Variants in APBB2 observed in about 807,000 individuals in gnomAD.
APBB2 encodes Fe65-like 1.
A neutral mutation model predicts 82.5 loss-of-function variants in APBB2; 38 were observed. That is an observed-to-expected ratio of 0.46 (90% confidence interval 0.36 to 0.60). The LOEUF is 0.60. APBB2 is among the 20% of genes least tolerant of loss of function. The pLI, the probability that APBB2 is intolerant of heterozygous loss-of-function variation, is 0.00. For missense variants in APBB2, 772 were observed against 972.3 expected (o/e 0.79, Z 2.74); for synonymous variants, 341 against 368.2 (o/e 0.93, Z 0.85).
intron 6 of APBB2, among the ~76,000 whole-genome samples, chr4:41,000,639 G>A (rs1031329622): frequency 2.6e-5 from 4 of 152,150 alleles, no homozygotes; most frequent in East Asian, 1.9e-4. Context: ...TTTTGAAATC[G>A]TCCAGAGCAC....
intron 17 of APBB2, among the ~76,000 whole-genome samples, chr4:40,819,189 C>CTTTTT (rs1228766862): frequency 1.5e-5 from 1 of 65,492 alleles, no homozygotes. Flanking sequence ...TTTTTTTTTT[C>CTTTTT]TTTTTTTTTT....
At chr4:41,130,088 G>A (rs1463185111) in intron 2 of APBB2, among the ~76,000 whole-genome samples, 3 of 152,174 alleles carry the variant, frequency 2.0e-5, no homozygotes, top group Non-Finnish European at 2.9e-5. Context: ...AGAAGAACCA[G>A]CCAATGCAAT....
chr4:41,002,511 C>T (rs573903369), intron 6 of APBB2, among the ~76,000 whole-genome samples: 6 of 152,344 alleles, frequency 3.9e-5, no homozygotes, highest in Admixed American at 6.5e-5. Flanking sequence ...TCTACCGTAA[C>T]AGTTCCATGT....
intron 5 of APBB2, among the ~76,000 whole-genome samples, chr4:41,021,683 A>C (rs1299057623): frequency 6.6e-6 from 1 of 152,180 alleles, no homozygotes; most frequent in Admixed American, 6.5e-5. Flanking sequence ...GGGCCAAATA[A>C]GGGAATAAAA....
At chr4:41,040,415 T>C (rs1720908346) in intron 4 of APBB2, among the ~76,000 whole-genome samples, 1 of 152,236 alleles carries the variant, frequency 6.6e-6, no homozygotes, top group African/African-American at 2.4e-5. Flanking sequence ...ATTTATTGAA[T>C]GCTTATTATG....
intron 3 of APBB2, among the ~76,000 whole-genome samples, chr4:41,091,525 G>A (rs1429501753): frequency 6.6e-6 from 1 of 152,126 alleles, no homozygotes; most frequent in Non-Finnish European, 1.5e-5. Flanking sequence ...CCTTTTAGGG[G>A]AGCAACATAT....
intron 10 of APBB2, among the ~76,000 whole-genome samples, chr4:40,919,976 C>T (rs962849911): frequency 6.6e-6 from 1 of 152,186 alleles, no homozygotes; most frequent in African/African-American, 2.4e-5. Flanking sequence ...TACCACGGCC[C>T]TGCACTGGGG....
chr4:40,935,315 T>A, intron 7 of APBB2, 176 bp from the exon 8 acceptor site: 1 of 567,250 alleles, frequency 1.8e-6, no homozygotes, highest in South Asian at 2.4e-5. Flanking sequence ...GTCTAGATTA[T>A]CACCTGAAGA....
intron 6 of APBB2, among the ~76,000 whole-genome samples, chr4:40,984,329 G>A (rs952305983): frequency 6.6e-6 from 1 of 151,128 alleles, no homozygotes; most frequent in Non-Finnish European, 1.5e-5. Flanking sequence ...GTTACCTTTT[G>A]AGTGAGTTCA....
At chr4:40,974,258 GACTTATAGGT>G (rs1796634604) in intron 6 of APBB2, among the ~76,000 whole-genome samples, 1 of 152,174 alleles carries the variant, frequency 6.6e-6, no homozygotes, top group Non-Finnish European at 1.5e-5. Flanking sequence ...CATAATGTCA[GACTTATAGGT>G]ACCAGAGGTT....
At chr4:40,997,909 G>A (rs1804092157) in intron 6 of APBB2, among the ~76,000 whole-genome samples, 1 of 152,078 alleles carries the variant, frequency 6.6e-6, no homozygotes, top group Admixed American at 6.5e-5. Context: ...ACTGAAGTAG[G>A]GCTGTCATTT....
intron 1 of APBB2, among the ~76,000 whole-genome samples, chr4:41,153,929 TTATACCTAGTTTA>T (rs1248103536): frequency 6.6e-6 from 1 of 152,204 alleles, no homozygotes; most frequent in Non-Finnish European, 1.5e-5. Flanking sequence ...CGTAAGGAGT[TTATACCTAGTTTA>T]TATTGAAGCT....
intron 10 of APBB2, among the ~76,000 whole-genome samples, chr4:40,923,866 G>C (rs1013872862): frequency 6.6e-6 from 1 of 152,232 alleles, no homozygotes; most frequent in Admixed American, 6.5e-5. Context: ...AAGTTAATAA[G>C]GGAAATAACA....
intron 3 of APBB2, among the ~76,000 whole-genome samples, chr4:41,088,467 G>T (rs919202782): frequency 6.6e-6 from 1 of 152,236 alleles, no homozygotes; most frequent in African/African-American, 2.4e-5. Context: ...GTGGAAAGGG[G>T]TTAGGATCTG....
Position 41,014,097 on chromosome 4 carries a change from G to C in APBB2, c.321C>G (p.Leu107=). Residue 107 remains leucine, a synonymous_variant, in exon 6 of 18, where the codon CTC becomes CTG. Transcript: ENST00000508593. ...GCTGCCCTTGCTCTGCAGCCTTACG[G>C]AGCTGGTTCTCCCCATTTTTCACCA... ...IKLVKNGENQ[L]RKAAEQGQQD... 6.2e-7 allele frequency: 1 copy of C among 1,614,200 alleles called. No individual in the cohort carries two copies. The highest frequency in any genetic ancestry group is 8.5e-7 in the Non-Finnish European group (1 of 1,180,040).
At chr4:41,054,842 C>T (rs780047312) in intron 4 of APBB2, among the ~76,000 whole-genome samples, 6 of 151,948 alleles carry the variant, frequency 3.9e-5, no homozygotes, top group African/African-American at 4.8e-5. Flanking sequence ...AGCTACCATA[C>T]GGGGGAGAAG....
intron 5 of APBB2, among the ~76,000 whole-genome samples, chr4:41,025,583 G>A (rs949684302): frequency 6.6e-6 from 1 of 152,044 alleles, no homozygotes; most frequent in Admixed American, 6.5e-5. Flanking sequence ...CAACAGCAAA[G>A]ACATGGAATC....
chr4:40,990,325 T>A (rs1324284495), intron 6 of APBB2: 2 of 152,098 alleles, frequency 1.3e-5, no homozygotes, highest in African/African-American at 4.8e-5. Flanking sequence ...CTCTTGTCTC[T>A]CTCTCTCTTT....
At chr4:40,899,008 C>G (rs1390818575) in intron 10 of APBB2, among the ~76,000 whole-genome samples, 3 of 152,148 alleles carry the variant, frequency 2.0e-5, no homozygotes, top group Non-Finnish European at 4.4e-5. Context: ...TTGAGAACCA[C>G]TGCTATAGAC....
Sources: gnomAD v4.1 joint callset for allele counts (sites outside exome capture counted in the v4.1 genomes callset) on GRCh38, gnomAD v4.1.1 for gene constraint, MANE v1.5 for transcripts, NCBI Gene and HGNC (gene_info 2026-07-23, HGNC 2026-07-21) for gene names.